The following FAM193A variants were observed in gnomAD, a reference collection of about 807,000 sequenced individuals.
FAM193A encodes the protein protein FAM193A.
FAM193A carries 22 observed loss-of-function variants against 126.5 expected under a neutral mutation model. That is an observed-to-expected ratio of 0.17 (90% CI 0.12 to 0.25). FAM193A has a LOEUF of 0.25. Ranked by LOEUF, FAM193A falls within the 10% of genes least tolerant of loss-of-function variation. FAM193A has a pLI of 1.00. For missense variants in FAM193A, 1,675 were observed against 1,672.8 expected (o/e 1.00, Z -0.02); for synonymous variants, 761 against 646.8 (o/e 1.18, Z -2.68).
chr4:2,692,298 G>T (rs1716487737), intron 15 of FAM193A, among the ~76,000 whole-genome samples: 1 of 152,194 alleles, frequency 6.6e-6, no homozygotes, highest in Non-Finnish European at 1.5e-5. Context: ...GCTCTCGTGA[G>T]AACTCACTCA....
intron 13 of FAM193A, among the ~76,000 whole-genome samples, chr4:2,684,817 A>C (rs1715546477): frequency 6.6e-6 from 1 of 152,126 alleles, no homozygotes; most frequent in South Asian, 2.1e-4. Flanking sequence ...TTGGTTACCA[A>C]AGTGTTCAGT....
At chr4:2,655,285 A>G (rs1489449245) in intron 7 of FAM193A, among the ~76,000 whole-genome samples, 1 of 152,202 alleles carries the variant, frequency 6.6e-6, no homozygotes, top group Non-Finnish European at 1.5e-5. Context: ...TTTTTCTTAT[A>G]TCAATTTCTG....
At chr4:2,635,074 A>G (rs891791345) in intron 5 of FAM193A, among the ~76,000 whole-genome samples, 1 of 152,214 alleles carries the variant, frequency 6.6e-6, no homozygotes, top group African/African-American at 2.4e-5. Context: ...GTCATCCATT[A>G]TCTTCTGTAG....
At chr4:2,604,641 TC>T (rs1382324959) in intron 2 of FAM193A, among the ~76,000 whole-genome samples, 1 of 152,002 alleles carries the variant, frequency 6.6e-6, no homozygotes, top group Non-Finnish European at 1.5e-5. Context: ...CTATGGGAGC[TC>T]CCTCCCATTC....
At chr4:2,664,550 TTTTCTTTC>T (rs1307461759) in intron 12 of FAM193A, among the ~76,000 whole-genome samples, 4 of 144,412 alleles carry the variant, frequency 2.8e-5, no homozygotes, top group African/African-American at 1.0e-4. Context: ...TCTCTCTCTA[TTTTCTTTC>T]TTTTTTTTTT....
intron 1 of FAM193A, among the ~76,000 whole-genome samples, chr4:2,560,801 T>C (rs1738564854): frequency 1.3e-5 from 2 of 152,164 alleles, no homozygotes; most frequent in Non-Finnish European, 2.9e-5. Flanking sequence ...TCCCTTCCTC[T>C]TCCTCAGTGT....
upstream of FAM193A, among the ~76,000 whole-genome samples, chr4:2,535,728 C>A (rs763391052): frequency 6.6e-6 from 1 of 152,162 alleles, no homozygotes; most frequent in Non-Finnish European, 1.5e-5. Context: ...TGCGTGAGTG[C>A]GAGGGTGTGG....
intron 6 of FAM193A, among the ~76,000 whole-genome samples, chr4:2,645,054 G>C (rs1409814271): frequency 6.6e-6 from 1 of 151,968 alleles, no homozygotes; most frequent in African/African-American, 2.4e-5. Context: ...GTGTGTGTGT[G>C]TGTGTGTGAA....
At position 2,634,606 on chromosome 4, in the gene FAM193A, A is replaced by T. The variant is rs554051206; in HGVS notation, c.1038+3437A>T. ...TTAAGGATTAATACTCTAAAGAATG[A>T]TAATTCAGATTTGAAAAAATATCAA... On this transcript the variant is annotated intron_variant, in intron 5 of 20. Transcript: ENST00000637812. Among the ~76,000 whole-genome samples, 10 of 152,384 alleles carry T rather than the reference A, an allele frequency of 6.6e-5. No individual in the cohort carries two copies. The South Asian group carries it at 8.3e-4, about 13-fold the overall frequency.
intron 20 of FAM193A, 129 bp downstream of exon 20, chr4:2,716,233 C>G: frequency 1.4e-6 from 1 of 694,062 alleles, no homozygotes; most frequent in Non-Finnish European, 2.6e-6. Flanking sequence ...GACAACATGG[C>G]TTCTGAAGAG....
rs369922820 is a variant in FAM193A, at chr4:2,545,877, C to T, written c.255+8707C>T. 4.0e-4 allele frequency among the ~76,000 whole-genome samples: 61 copies of T among 152,132 alleles called. No homozygotes were observed. The South Asian group carries it at 0.01, about 25-fold the overall frequency. Reference sequence around the variant, plus strand: ...AAAAACAAAAATTTAAGGCCAGGTGCGGTGGCTCACGCCTGTTATCCCAGC... The same window carrying T: ...AAAAACAAAAATTTAAGGCCAGGTGTGGTGGCTCACGCCTGTTATCCCAGC... On this transcript the variant is annotated intron_variant, in intron 1 of 20. Transcript: ENST00000637812.
chr4:2,542,222 G>C (rs1302375693), intron 1 of FAM193A, among the ~76,000 whole-genome samples: 1 of 152,040 alleles, frequency 6.6e-6, no homozygotes, highest in African/African-American at 2.4e-5. Context: ...CACCATGTTG[G>C]TCTAGAACTC....
chr4:2,550,735 GGTT>G (rs1737866586), intron 1 of FAM193A, among the ~76,000 whole-genome samples: 1 of 151,014 alleles, frequency 6.6e-6, no homozygotes, highest in Admixed American at 6.6e-5. Flanking sequence ...CACGCCTGTT[GGTT>G]GTTTTTTTTG....
At chr4:2,639,653 G>A in intron 5 of FAM193A, 82 bp from the exon 6 acceptor site, 1 of 1,060,542 alleles carries the variant, frequency 9.4e-7, no homozygotes, top group Non-Finnish European at 1.3e-6. Flanking sequence ...AATGGGGAGG[G>A]GGGAGGGAAT....
intron 5 of FAM193A, among the ~76,000 whole-genome samples, chr4:2,637,284 A>C (rs1235656024): frequency 6.6e-6 from 1 of 152,086 alleles, no homozygotes; most frequent in African/African-American, 2.4e-5. Flanking sequence ...CCAAGATTAC[A>C]CCACTGCACT....
intron 15 of FAM193A, among the ~76,000 whole-genome samples, chr4:2,691,606 A>G (rs970175818): frequency 3.9e-5 from 6 of 152,068 alleles, no homozygotes; most frequent in Non-Finnish European, 8.8e-5. Flanking sequence ...GCAACTCAGT[A>G]GCTGGCTCGA....
At chr4:2,556,454 T>C (rs1738267171) in intron 1 of FAM193A, among the ~76,000 whole-genome samples, 1 of 152,074 alleles carries the variant, frequency 6.6e-6, no homozygotes, top group Non-Finnish European at 1.5e-5. Context: ...TCTGCCTGCC[T>C]TGGCCTCCCA....
Position 2,620,024 on chromosome 4 carries a change from C to T in FAM193A, c.502-5238C>T, listed in dbSNP as rs565709312. Among the ~76,000 whole-genome samples, 6 of 152,264 alleles carry T rather than the reference C, an allele frequency of 3.9e-5. 1 individual carries two copies. The highest frequency in any genetic ancestry group is 1.4e-4 in the African/African-American group (6 of 41,560). On this transcript the variant is annotated intron_variant, in intron 2 of 20. Coordinates refer to ENST00000637812, the MANE Select transcript of FAM193A (RefSeq NM_001366318.2). ...CTGTTTCTATTGATTGGCTTTTCCT[C>T]CTTCTTAGGAGTCATTGTCCTGCTT... is the stretch of plus-strand genomic sequence containing the variant.
chr4:2,580,273 C>T (rs1739842486), intron 1 of FAM193A, among the ~76,000 whole-genome samples: 1 of 152,064 alleles, frequency 6.6e-6, no homozygotes, highest in Non-Finnish European at 1.5e-5. Context: ...TCGCTTATAG[C>T]CGATGAGAAC....
Sources: gnomAD v4.1 joint callset for allele counts (sites outside exome capture counted in the v4.1 genomes callset) on GRCh38, gnomAD v4.1.1 for gene constraint, MANE v1.5 for transcripts, NCBI Gene and HGNC (gene_info 2026-07-23, HGNC 2026-07-21) for gene names.